The following ANTXR1 variants were observed in gnomAD, a reference collection of about 807,000 sequenced individuals.
ANTXR1 encodes the protein anthrax toxin receptor 1.
In ANTXR1, 19 loss-of-function variants were observed where a neutral mutation model predicts 78.1. The ratio of observed to expected loss-of-function variants is 0.24; its 90% CI spans 0.17 to 0.36. The LOEUF is 0.36. Ranked by LOEUF, ANTXR1 falls within the 10% of genes least tolerant of loss-of-function variation. The pLI, the probability that ANTXR1 is intolerant of heterozygous loss-of-function variation, is 1.00. For synonymous variants in ANTXR1, 273 were observed against 260.5 expected (o/e 1.05, Z -0.46); for missense variants, 518 against 718.6 (o/e 0.72, Z 3.19).
At chr2:69,189,789 G>A (rs1014676020) in intron 16 of ANTXR1, among the ~76,000 whole-genome samples, 2 of 152,222 alleles carry the variant, frequency 1.3e-5, no homozygotes, top group African/African-American at 4.8e-5. Flanking sequence ...GGAGAGATTG[G>A]TGGTGCCATG....
chr2:69,123,280 A>G (rs1388054976), intron 11 of ANTXR1, among the ~76,000 whole-genome samples, 194 bp downstream of exon 11: 1 of 152,160 alleles, frequency 6.6e-6, no homozygotes, highest in African/African-American at 2.4e-5. Context: ...TCATTCTCCC[A>G]GGTTCCCCAT....
intron 17 of ANTXR1, among the ~76,000 whole-genome samples, chr2:69,242,199 A>G (rs1675911801): frequency 6.6e-6 from 1 of 151,898 alleles, no homozygotes; most frequent in Admixed American, 6.5e-5. Context: ...CCCCATCTCC[A>G]TCCCTCTGCT....
chr2:69,183,181 C>A (rs1316757506), intron 16 of ANTXR1, among the ~76,000 whole-genome samples: 1 of 152,122 alleles, frequency 6.6e-6, no homozygotes, highest in East Asian at 1.9e-4. Context: ...ATAATATAAG[C>A]CCATTCCCTT....
chr2:69,241,067 T>C (rs1012053662), intron 17 of ANTXR1, among the ~76,000 whole-genome samples: 1 of 152,176 alleles, frequency 6.6e-6, no homozygotes, highest in Non-Finnish European at 1.5e-5. Context: ...ATAATTGGCA[T>C]TCATTCCTGT....
chr2:69,210,673 G>A (rs1210305925), intron 17 of ANTXR1, among the ~76,000 whole-genome samples: 2 of 152,174 alleles, frequency 1.3e-5, no homozygotes, highest in African/African-American at 4.8e-5. Context: ...TGCTGGCTCA[G>A]GCCTGTAATC....
chr2:69,146,775 C>T (rs1193350483), intron 12 of ANTXR1, among the ~76,000 whole-genome samples: 2 of 152,242 alleles, frequency 1.3e-5, no homozygotes, highest in Non-Finnish European at 2.9e-5. Context: ...GAGGCCTGGG[C>T]AGGCACAACT....
intron 1 of ANTXR1, among the ~76,000 whole-genome samples, chr2:69,024,853 C>A (rs1364307743): frequency 6.6e-6 from 1 of 152,146 alleles, no homozygotes; most frequent in African/African-American, 2.4e-5. Context: ...GTATTCTTGA[C>A]AATCAATTCT....
At chr2:69,106,235 A>G (rs1451359508) in intron 10 of ANTXR1, among the ~76,000 whole-genome samples, 1 of 152,222 alleles carries the variant, frequency 6.6e-6, no homozygotes. Flanking sequence ...CTTCTCTCCC[A>G]ATTTCCTTGC....
intron 17 of ANTXR1, among the ~76,000 whole-genome samples, chr2:69,226,148 G>A (rs1254417178): frequency 2.0e-5 from 3 of 152,106 alleles, no homozygotes; most frequent in African/African-American, 7.2e-5. Flanking sequence ...CGGGGGAGTG[G>A]GCCAAACCAC....
chr2:69,245,437 C>A lies in ANTXR1; in HGVS notation c.1647C>A (p.Pro549=). ...TLPPPPQAPP[P]NRAPPPSRPP... The stretch of plus-strand genomic sequence containing the variant: ...CCCCTCCTCCCCAGGCTCCACCTCC[C>A]AACAGGGCACCTCCTCCCTCCCGCC... Residue 549 remains proline (P), a synonymous_variant, in exon 18 of 18, where the codon CCC becomes CCA. Coordinates refer to ENST00000303714, the MANE Select transcript of ANTXR1 (RefSeq NM_032208.3). The A allele has an allele frequency of 6.2e-7, 1 of 1,608,806 alleles. No individual in the cohort carries two copies.
chr2:69,113,883 T>G (rs951878831), intron 10 of ANTXR1, among the ~76,000 whole-genome samples: 8 of 152,242 alleles, frequency 5.3e-5, no homozygotes, highest in Admixed American at 2.0e-4. Context: ...TATTCTGACC[T>G]CAGGATTACA....
intron 1 of ANTXR1, among the ~76,000 whole-genome samples, chr2:69,024,103 G>A (rs986528888): frequency 5.3e-5 from 8 of 152,130 alleles, no homozygotes; most frequent in Non-Finnish European, 1.0e-4. Context: ...TGAGACTGGG[G>A]GCTCTTTTGT....
At chr2:69,207,801 A>C (rs2104494192) in intron 17 of ANTXR1, among the ~76,000 whole-genome samples, 2 of 152,298 alleles carry the variant, frequency 1.3e-5, no homozygotes, top group Non-Finnish European at 2.9e-5. Context: ...TCCAAGAAGA[A>C]TAAAGATATG....
Position 69,138,128 on chromosome 2 carries a change from A to T in ANTXR1, c.951+13485A>T, listed in dbSNP as rs4325786. ...AAAAAAGAAAGAAAAAAGAAAAAAAAATTGGTAGAGGGGGGAAGGAGTTGT... is the reference window on the plus strand; with the variant it reads ...AAAAAAGAAAGAAAAAAGAAAAAAATATTGGTAGAGGGGGGAAGGAGTTGT... On this transcript the variant is annotated intron_variant, in intron 12 of 17. Transcript: ENST00000303714. 7.1e-3 allele frequency among the ~76,000 whole-genome samples: 1,084 copies of T among 152,030 alleles called. 7 individuals are homozygous for T. Among genetic ancestry groups the T allele is most frequent in the African/African-American group, 0.023 (969 of 41,484 alleles).
chr2:69,229,426 C>A (rs958292538), intron 17 of ANTXR1, among the ~76,000 whole-genome samples: 1 of 152,162 alleles, frequency 6.6e-6, no homozygotes, highest in Non-Finnish European at 1.5e-5. Context: ...CAGCGCTGTG[C>A]ACCAGATGAA....
chr2:69,136,655 T>C (rs574712631), intron 12 of ANTXR1, among the ~76,000 whole-genome samples: 55 of 152,334 alleles, frequency 3.6e-4, no homozygotes, highest in Admixed American at 1.0e-3. Flanking sequence ...ATTTGTCATC[T>C]TGAGGGTTTA....
At chr2:69,119,480 C>T (rs1385894648) in intron 10 of ANTXR1, among the ~76,000 whole-genome samples, 1 of 152,248 alleles carries the variant, frequency 6.6e-6, no homozygotes, top group Non-Finnish European at 1.5e-5. Flanking sequence ...GTCAGCCACG[C>T]CTGTCCCCAG....
chr2:69,207,697 G>T (rs537297610), intron 17 of ANTXR1, among the ~76,000 whole-genome samples: 1 of 152,236 alleles, frequency 6.6e-6, no homozygotes, highest in African/African-American at 2.4e-5. Flanking sequence ...CGGCCAATTT[G>T]CCAACTGGGA....
chr2:69,028,182 A>C (rs187808002), intron 1 of ANTXR1, among the ~76,000 whole-genome samples: 2 of 152,342 alleles, frequency 1.3e-5, no homozygotes, highest in African/African-American at 2.4e-5. Flanking sequence ...TCAATGCTTT[A>C]ATAGAAGAAA....
Sources: gnomAD v4.1 joint callset for allele counts (sites outside exome capture counted in the v4.1 genomes callset) on GRCh38, gnomAD v4.1.1 for gene constraint, MANE v1.5 for transcripts, NCBI Gene and HGNC (gene_info 2026-07-23, HGNC 2026-07-21) for gene names.